Variants in SNTB1 observed in about 807,000 individuals in gnomAD.
SNTB1 encodes the protein beta-1-syntrophin.
Under a neutral mutation model 48.9 loss-of-function variants are expected in SNTB1, and 36 were observed. The observed-to-expected ratio is 0.74, with a 90% confidence interval of 0.56 to 0.97. The LOEUF (loss-of-function observed/expected upper bound fraction) is 0.97, where lower values mean the gene tolerates loss of function less well. Among genes scored for constraint, SNTB1 ranks in the 50% least tolerant of loss-of-function variants. SNTB1 has a pLI of 0.00. For missense variants in SNTB1, 786 were observed against 703.4 expected (o/e 1.12, Z -1.33); for synonymous variants, 299 against 294.6 (o/e 1.01, Z -0.15).
At chr8:120,659,904 A>G (rs1337747374) in intron 2 of SNTB1, among the ~76,000 whole-genome samples, 1 of 152,238 alleles carries the variant, frequency 6.6e-6, no homozygotes, top group Non-Finnish European at 1.5e-5. Context: ...TATCTCCATC[A>G]TAGCTCTTGG....
intron 1 of SNTB1, among the ~76,000 whole-genome samples, chr8:120,769,880 A>T (rs1819589285): frequency 6.6e-6 from 1 of 152,200 alleles, no homozygotes; most frequent in African/African-American, 2.4e-5. Context: ...ATGCCTAAAG[A>T]ATGCTCACTG....
intron 5 of SNTB1, among the ~76,000 whole-genome samples, chr8:120,546,085 T>C (rs934951791): frequency 3.3e-5 from 5 of 152,162 alleles, no homozygotes; most frequent in Non-Finnish European, 5.9e-5. Context: ...TACTGCTTCC[T>C]CAGAGACAGA....
chr8:120,538,787 G>T lies in SNTB1; in HGVS notation c.*90C>A. ...AAGCTGACTGTAGCACGCTACATCT[G>T]GTGCGCTGCTCACTACAGATGGTGT... On this transcript the variant is annotated 3_prime_UTR_variant, in exon 7 of 7. Coordinates refer to ENST00000517992, the MANE Select transcript of SNTB1 (RefSeq NM_021021.4). 1 of 1,032,168 alleles carries T rather than the reference G, an allele frequency of 9.7e-7. No homozygotes were observed. The highest frequency in any genetic ancestry group is 1.5e-6 in the Non-Finnish European group (1 of 651,074). The allele number at this position is 1,032,168 out of a possible 1,614,324, so 63.9% of individuals were successfully genotyped here. A position where few individuals can be genotyped will look rare whatever the true frequency, so the allele number is the denominator to read the frequency against.
intron 4 of SNTB1, among the ~76,000 whole-genome samples, chr8:120,572,992 G>A (rs183146469): frequency 1.9e-3 from 295 of 152,254 alleles, no homozygotes; most frequent in African/African-American, 6.6e-3. Flanking sequence ...ACATGGGAGC[G>A]TAACTACCTC....
intron 1 of SNTB1, among the ~76,000 whole-genome samples, chr8:120,771,607 C>G (rs934860756): frequency 2.6e-5 from 4 of 151,796 alleles, no homozygotes; most frequent in African/African-American, 9.7e-5. Context: ...TCTCCCTAAT[C>G]AAAAATCACT....
rs35604534 is a variant in SNTB1, at chr8:120,744,121, A to ATTTTTTTTTTTTTTTTTTT, written c.572-50214_572-50213insAAAAAAAAAAAAAAAAAAA. On this transcript the variant is annotated intron_variant, in intron 1 of 6. Coordinates refer to ENST00000517992, the MANE Select transcript of SNTB1 (RefSeq NM_021021.4). ...CTCAAGCCTGGGTGACCCTGTCTCA[A>ATTTTTTTTTTTTTTTTTTT]TTTTTTTTTTTTTTTGCAAGGGAAT... 6.6e-5 allele frequency among the ~76,000 whole-genome samples: 9 copies of ATTTTTTTTTTTTTTTTTTT among 136,158 alleles called. 1 individual carries two copies. The East Asian group carries it at 6.9e-4, about 10-fold the overall frequency. The allele number at this position is 136,158 out of a possible 152,430, so 89.3% of individuals were successfully genotyped here. A position where few individuals can be genotyped will look rare whatever the true frequency, so the allele number is the denominator to read the frequency against.
chr8:120,614,039 A>G (rs1563831922), intron 3 of SNTB1, among the ~76,000 whole-genome samples: 1 of 152,220 alleles, frequency 6.6e-6, no homozygotes, highest in Non-Finnish European at 1.5e-5. Flanking sequence ...TTGCCCAAGA[A>G]AAAACAGAAA....
intron 1 of SNTB1, among the ~76,000 whole-genome samples, chr8:120,746,491 G>A (rs28427024): frequency 1.3e-5 from 2 of 152,222 alleles, no homozygotes; most frequent in Admixed American, 6.5e-5. Flanking sequence ...CCCAAGCCCC[G>A]TGTTGTTCAA....
chr8:120,641,082 A>C (rs1484149819), intron 2 of SNTB1, among the ~76,000 whole-genome samples: 1 of 151,874 alleles, frequency 6.6e-6, no homozygotes, highest in Non-Finnish European at 1.5e-5. Flanking sequence ...CCAAAGACTT[A>C]ATAATTACAA....
chr8:120,717,737 C>T (rs1049785486), intron 1 of SNTB1, among the ~76,000 whole-genome samples: 1 of 152,090 alleles, frequency 6.6e-6, no homozygotes, highest in African/African-American at 2.4e-5. Context: ...GGCAGATGTT[C>T]TATTGTGTTG....
chr8:120,625,858 G>A (rs1352103901), intron 3 of SNTB1, among the ~76,000 whole-genome samples: 1 of 152,220 alleles, frequency 6.6e-6, no homozygotes, highest in Non-Finnish European at 1.5e-5. Flanking sequence ...TATCAGATGG[G>A]AGTTCCCTCA....
chr8:120,555,500 G>A (rs957934234), intron 4 of SNTB1, among the ~76,000 whole-genome samples: 5 of 152,082 alleles, frequency 3.3e-5, no homozygotes, highest in African/African-American at 4.8e-5. Context: ...ACACGTGGCC[G>A]GCAGAGAAGG....
chr8:120,646,132 T>A (rs1817293460), intron 2 of SNTB1, among the ~76,000 whole-genome samples: 1 of 141,144 alleles, frequency 7.1e-6, no homozygotes, highest in Non-Finnish European at 1.5e-5. Context: ...TGACTTCCTC[T>A]TTTCCTAATT....
chr8:120,780,840 T>A (rs1469446129), intron 1 of SNTB1, among the ~76,000 whole-genome samples: 4 of 152,250 alleles, frequency 2.6e-5, no homozygotes, highest in South Asian at 2.1e-4. Flanking sequence ...TCAGGGTAGA[T>A]AATTTCCCTT....
intron 5 of SNTB1, among the ~76,000 whole-genome samples, chr8:120,544,789 ACT>A (rs1491511051): frequency 1.6e-5 from 2 of 125,010 alleles, no homozygotes; most frequent in African/African-American, 6.3e-5. Flanking sequence ...CAAATTCAAA[ACT>A]TTTTTTTTTT....
chr8:120,788,785 A>G (rs1172663163), intron 1 of SNTB1, among the ~76,000 whole-genome samples: 2 of 152,106 alleles, frequency 1.3e-5, no homozygotes, highest in African/African-American at 2.4e-5. Context: ...CAGCAGCACA[A>G]TAATAGTGGA....
chr8:120,565,479 TC>T (rs1224483805), intron 4 of SNTB1, among the ~76,000 whole-genome samples: 1 of 152,204 alleles, frequency 6.6e-6, no homozygotes, highest in African/African-American at 2.4e-5. Flanking sequence ...GTTGTCAGTT[TC>T]CAGAACCCAC....
Position 120,812,008 on chromosome 8 carries a change from G to A in SNTB1, c.-165C>T. On this transcript the variant is annotated 5_prime_UTR_variant, in exon 1 of 7. Transcript: ENST00000517992. ...CGGGAGTTCGCAGACGCACTCGGCGGGAGTTGGCAGCTGCACTCAGGCTGG... is the reference window on the plus strand; with the variant it reads ...CGGGAGTTCGCAGACGCACTCGGCGAGAGTTGGCAGCTGCACTCAGGCTGG... 1 of 1,267,106 alleles carries A rather than the reference G, an allele frequency of 7.9e-7. No individual in the cohort carries two copies. The highest frequency in any genetic ancestry group is 9.9e-7 in the Non-Finnish European group (1 of 1,012,170). 78.5% of individuals were successfully genotyped at this position (1,267,106 alleles called of 1,614,324 possible).
intron 3 of SNTB1, among the ~76,000 whole-genome samples, chr8:120,587,924 C>G (rs1018848722): frequency 6.6e-6 from 1 of 152,164 alleles, no homozygotes; most frequent in African/African-American, 2.4e-5. Context: ...AACAAGTTAT[C>G]TTTGACTTAC....
Sources: allele counts gnomAD v4.1 joint callset (sites outside exome capture counted in the v4.1 genomes callset), GRCh38; gene constraint gnomAD v4.1.1; transcripts MANE v1.5; gene names NCBI Gene and HGNC (gene_info 2026-07-23, HGNC 2026-07-21).